The following SSBP2 variants were observed in gnomAD, a reference collection of about 807,000 sequenced individuals.
SSBP2 encodes the protein single-stranded DNA-binding protein 2.
Under a neutral mutation model 61.8 loss-of-function variants are expected in SSBP2, and 17 were observed. That is an observed-to-expected ratio of 0.28 (90% CI 0.19 to 0.41). The LOEUF (loss-of-function observed/expected upper bound fraction) is 0.41, where lower values mean the gene tolerates loss of function less well. SSBP2 is among the 10% of genes least tolerant of loss of function. The pLI is 1.00. For missense variants in SSBP2, 310 were observed against 458.7 expected, an observed-to-expected ratio of 0.68 and a Z score of 2.96; for synonymous variants, 139 against 141.3, an observed-to-expected ratio of 0.98 and a Z score of 0.12.
intron 4 of SSBP2, among the ~76,000 whole-genome samples, chr5:81,550,690 T>C (rs962150163): frequency 2.0e-5 from 3 of 152,212 alleles, no homozygotes; most frequent in Non-Finnish European, 4.4e-5. Context: ...CATGTAGATA[T>C]AATTTTAGGA....
intron 5 of SSBP2, among the ~76,000 whole-genome samples, chr5:81,498,006 A>G (rs1164771569): frequency 1.3e-5 from 2 of 152,120 alleles, no homozygotes; most frequent in Non-Finnish European, 1.5e-5. Context: ...TGTGTCTTAT[A>G]TAAGGCCATG....
chr5:81,435,942 C>G (rs1762643906), intron 15 of SSBP2, among the ~76,000 whole-genome samples: 1 of 152,076 alleles, frequency 6.6e-6, no homozygotes, highest in Non-Finnish European at 1.5e-5. Flanking sequence ...AATCCCAGCA[C>G]TCTGGGAGGC....
chr5:81,710,694 A>G (rs749421352), intron 1 of SSBP2: 69 of 454,758 alleles, frequency 1.5e-4, no homozygotes, highest in Middle Eastern at 6.5e-4. Context: ...TATAATACGA[A>G]TGAATACATG....
intron 9 of SSBP2, among the ~76,000 whole-genome samples, chr5:81,464,187 G>A (rs1031980915): frequency 1.3e-5 from 2 of 152,022 alleles, no homozygotes; most frequent in East Asian, 1.9e-4. Flanking sequence ...AATCCTTTTG[G>A]CCTCGTAGTA....
chr5:81,440,302 G>A (rs191359618), intron 14 of SSBP2, among the ~76,000 whole-genome samples: 1 of 152,116 alleles, frequency 6.6e-6, no homozygotes, highest in African/African-American at 2.4e-5. Context: ...TCCTTTTATG[G>A]TAAGACATGA....
In SSBP2 at chr5:81,631,459, C is replaced by A. The variant is rs561892707; in HGVS notation, c.197+5098G>T. ...TGTAAACCGTACTGAGTAAGAAATTCTTTTAATAGAAGAAATGGAAAAAAA... is the reference window on the plus strand; with the variant it reads ...TGTAAACCGTACTGAGTAAGAAATTATTTTAATAGAAGAAATGGAAAAAAA... On this transcript the variant is annotated intron_variant, in intron 3 of 16. Coordinates refer to ENST00000320672, the MANE Select transcript of SSBP2 (RefSeq NM_012446.5). Among the ~76,000 whole-genome samples, 15 of 148,886 alleles carry A rather than the reference C, an allele frequency of 1.0e-4. No homozygotes were observed. In the East Asian group the frequency reaches 2.6e-3, roughly 26 times the overall value.
chr5:81,542,525 G>A (rs544917373), intron 4 of SSBP2, among the ~76,000 whole-genome samples: 1 of 152,022 alleles, frequency 6.6e-6, no homozygotes, highest in African/African-American at 2.4e-5. Flanking sequence ...AATCAACAGT[G>A]GACTGGATAA....
intron 1 of SSBP2, among the ~76,000 whole-genome samples, chr5:81,674,983 C>T (rs976242814): frequency 7.9e-5 from 12 of 152,106 alleles, no homozygotes; most frequent in Admixed American, 5.2e-4. Flanking sequence ...TACTGTTGTG[C>T]GCAGAATCTA....
At chr5:81,449,956 T>C (rs1384575885) in intron 10 of SSBP2, among the ~76,000 whole-genome samples, 1 of 152,162 alleles carries the variant, frequency 6.6e-6, no homozygotes, top group Non-Finnish European at 1.5e-5. Flanking sequence ...AACATTTACT[T>C]CATTTAGTGA....
intron 4 of SSBP2, among the ~76,000 whole-genome samples, chr5:81,542,707 A>C (rs528789382): frequency 6.6e-6 from 1 of 152,100 alleles, no homozygotes; most frequent in South Asian, 2.1e-4. Context: ...CCATGTGTCG[A>C]GGGAAGGACC....
chr5:81,499,418 G>A (rs1045293651), intron 5 of SSBP2, among the ~76,000 whole-genome samples: 13 of 152,154 alleles, frequency 8.5e-5, no homozygotes, highest in African/African-American at 2.9e-4. Flanking sequence ...TTCATTACCA[G>A]GTACTCATTG....
At chr5:81,746,820 G>C (rs915359552) in intron 1 of SSBP2, among the ~76,000 whole-genome samples, 1 of 152,024 alleles carries the variant, frequency 6.6e-6, no homozygotes, top group Non-Finnish European at 1.5e-5. Flanking sequence ...CTTTCTAGCA[G>C]ATTCATCTTT....
At chr5:81,542,546 T>C (rs558718825) in intron 4 of SSBP2, among the ~76,000 whole-genome samples, 1 of 151,950 alleles carries the variant, frequency 6.6e-6, no homozygotes, top group African/African-American at 2.4e-5. Context: ...AGAAAATAGA[T>C]GCATAGTATT....
intron 15 of SSBP2, among the ~76,000 whole-genome samples, chr5:81,430,639 T>C (rs532628329): frequency 3.9e-5 from 6 of 152,338 alleles, no homozygotes; most frequent in Non-Finnish European, 5.9e-5. Flanking sequence ...AATGTTTAAA[T>C]ACACACAAAA....
At chr5:81,696,259 G>A (rs879520228) in intron 1 of SSBP2, among the ~76,000 whole-genome samples, 6 of 152,014 alleles carry the variant, frequency 3.9e-5, no homozygotes, top group Admixed American at 2.6e-4. Flanking sequence ...GATTCTCCAC[G>A]CCCAGAATGA....
chr5:81,653,962 C>T (rs183939883), intron 1 of SSBP2, among the ~76,000 whole-genome samples: 1 of 151,810 alleles, frequency 6.6e-6, no homozygotes, highest in Non-Finnish European at 1.5e-5. Context: ...CTTCTCCAAA[C>T]TAAACTACTG....
intron 2 of SSBP2, among the ~76,000 whole-genome samples, chr5:81,637,766 G>T (rs997672930): frequency 3.9e-5 from 6 of 152,146 alleles, no homozygotes; most frequent in African/African-American, 1.4e-4. Flanking sequence ...TATACCCAAA[G>T]GACTATAAAT....
Position 81,529,477 on chromosome 5 carries a change from T to C in SSBP2, c.283-15760A>G, listed in dbSNP as rs1358423806. ...TAGCTCAGGTCAGTTAAGTTGGTCA[T>C]GAGGGCAGGCTCAACCGTCTTCATA... On this transcript the variant is annotated intron_variant, in intron 4 of 16. Coordinates refer to ENST00000320672, the MANE Select transcript of SSBP2 (RefSeq NM_012446.5). Among the ~76,000 whole-genome samples the C allele has an allele frequency of 3.3e-5, 5 of 152,136 alleles. No individual in the cohort carries two copies. The East Asian group carries it at 5.8e-4, about 18-fold the overall frequency.
At chr5:81,615,430 G>A (rs769229496) in intron 4 of SSBP2, 43 bp downstream of exon 4, 3 of 1,426,230 alleles carry the variant, frequency 2.1e-6, no homozygotes, top group African/African-American at 1.4e-5. Context: ...TGGTTAAACA[G>A]AAAACTGACA....
Sources: allele counts gnomAD v4.1 joint callset (sites outside exome capture counted in the v4.1 genomes callset), GRCh38; gene constraint gnomAD v4.1.1; transcripts MANE v1.5; gene names NCBI Gene and HGNC (gene_info 2026-07-23, HGNC 2026-07-21).